Variants in SNTG1 observed in about 807,000 individuals in gnomAD.
SNTG1 encodes syntrophin gamma 1, also known as gamma-1-syntrophin.
In SNTG1, 39 loss-of-function variants were observed where a neutral mutation model predicts 74.7. That is an observed-to-expected ratio of 0.52 (90% confidence interval 0.40 to 0.68). SNTG1 has a LOEUF of 0.68. Among genes scored for constraint, SNTG1 ranks in the 30% least tolerant of loss-of-function variants. The pLI is 0.00. For synonymous variants in SNTG1, 254 were observed against 217.1 expected (o/e 1.17, Z -1.49); for missense variants, 685 against 609.5 (o/e 1.12, Z -1.30).
chr8:50,382,358 G>C (rs554048967), intron 2 of SNTG1: 1 of 152,066 alleles, frequency 6.6e-6, no homozygotes, highest in African/African-American at 2.4e-5. Flanking sequence ...TTATTAAATG[G>C]CTGGCACTTG....
chr8:50,195,789 G>A (rs1170822414), intron 2 of SNTG1, among the ~76,000 whole-genome samples: 1 of 152,132 alleles, frequency 6.6e-6, no homozygotes, highest in Non-Finnish European at 1.5e-5. Context: ...GGTGTCTTCT[G>A]GGTCCTACAG....
chr8:50,793,162 A>C lies in SNTG1; in HGVS notation c.*333A>C, dbSNP rs934996736. Reference sequence around the variant, plus strand: ...AATAGTAAGCTACCTATGAATAAAAATACTTATTAAATGATTACTTCTGTA... The same window carrying C: ...AATAGTAAGCTACCTATGAATAAAACTACTTATTAAATGATTACTTCTGTA... On this transcript the variant is annotated 3_prime_UTR_variant, in exon 19 of 19. Coordinates refer to ENST00000642720, the MANE Select transcript of SNTG1 (RefSeq NM_018967.5). 5.7e-6 allele frequency: 1 copy of C among 176,656 alleles called. No individual in the cohort carries two copies. Among genetic ancestry groups the C allele is most frequent in the African/African-American group, 2.4e-5 (1 of 42,474 alleles). 10.9% of individuals were successfully genotyped at this position (176,656 alleles called of 1,614,324 possible). A position where few individuals can be genotyped will look rare whatever the true frequency, so the allele number is the denominator to read the frequency against.
intron 2 of SNTG1, among the ~76,000 whole-genome samples, chr8:50,185,773 T>G (rs1381768255): frequency 6.6e-6 from 1 of 152,126 alleles, no homozygotes; most frequent in Admixed American, 6.5e-5. Context: ...TATGAATTCA[T>G]TTTTTTCTAT....
intron 11 of SNTG1, among the ~76,000 whole-genome samples, chr8:50,548,642 T>C (rs951934928): frequency 6.6e-6 from 1 of 152,066 alleles, no homozygotes; most frequent in East Asian, 1.9e-4. Context: ...GATCGAACAG[T>C]ATTTAGCGCT....
intron 3 of SNTG1, among the ~76,000 whole-genome samples, chr8:50,400,621 T>C (rs1307817785): frequency 6.6e-6 from 1 of 152,238 alleles, no homozygotes; most frequent in Non-Finnish European, 1.5e-5. Flanking sequence ...CCACTAACAG[T>C]GTGTAAGGGT....
At chr8:49,948,143 G>GA (rs1274072965) in intron 1 of SNTG1, among the ~76,000 whole-genome samples, 2 of 151,548 alleles carry the variant, frequency 1.3e-5, no homozygotes, top group Non-Finnish European at 1.5e-5. Flanking sequence ...ACAAACAAAT[G>GA]AAAAAAATAA....
chr8:50,416,708 CATT>C (rs2093018127), intron 4 of SNTG1, among the ~76,000 whole-genome samples: 1 of 152,024 alleles, frequency 6.6e-6, no homozygotes, highest in South Asian at 2.1e-4. Context: ...CATATCACAT[CATT>C]ATTTTGCTAA....
chr8:50,317,293 A>G (rs2090351880), intron 2 of SNTG1, among the ~76,000 whole-genome samples: 1 of 152,186 alleles, frequency 6.6e-6, no homozygotes, highest in African/African-American at 2.4e-5. Flanking sequence ...GTTTGTCCAG[A>G]ACAATACTGA....
rs1378576808 is a variant in SNTG1 at position 50,122,614 on chromosome 8, G to C, written c.-102-49947G>C. The stretch of plus-strand genomic sequence containing the variant: ...CAATGTCAATAACTAATTAAAGGAG[G>C]TGAGGCGGTAGCTCAGGAGCAGTGG... On this transcript the variant is annotated intron_variant, in intron 1 of 18. Coordinates refer to ENST00000642720, the MANE Select transcript of SNTG1 (RefSeq NM_018967.5). Among the ~76,000 whole-genome samples, 4 of 142,034 alleles carry C rather than the reference G, an allele frequency of 2.8e-5. 1 individual carries two copies. Among genetic ancestry groups the C allele is most frequent in the African/African-American group, 1.0e-4 (4 of 39,248 alleles). The allele number at this position is 142,034 out of a possible 152,430, so 93.2% of individuals were successfully genotyped here. A position where few individuals can be genotyped will look rare whatever the true frequency, so the allele number is the denominator to read the frequency against.
chr8:50,434,354 G>A (rs1277856564), intron 4 of SNTG1, among the ~76,000 whole-genome samples: 1 of 152,154 alleles, frequency 6.6e-6, no homozygotes, highest in Non-Finnish European at 1.5e-5. Flanking sequence ...AAATATACGT[G>A]TGCATGTGTC....
intron 2 of SNTG1, among the ~76,000 whole-genome samples, chr8:50,260,593 A>T (rs930700113): frequency 7.9e-5 from 12 of 152,182 alleles, no homozygotes; most frequent in Admixed American, 7.9e-4. Context: ...AAGAAAAAAT[A>T]AGCATAAGAA....
At chr8:50,658,852 C>CA (rs2095200526) in intron 15 of SNTG1, among the ~76,000 whole-genome samples, 189 bp downstream of exon 15, 1 of 152,180 alleles carries the variant, frequency 6.6e-6, no homozygotes, top group African/African-American at 2.4e-5. Context: ...AGTGCACTGG[C>CA]ACTCAGCTAT....
intron 2 of SNTG1, among the ~76,000 whole-genome samples, chr8:50,330,609 T>A (rs548603895): frequency 3.2e-4 from 49 of 152,170 alleles, no homozygotes; most frequent in Non-Finnish European, 6.8e-4. Context: ...ACCAATTTAC[T>A]ATATTAATCT....
intron 2 of SNTG1, among the ~76,000 whole-genome samples, chr8:50,265,848 A>C (rs1161939542): frequency 6.6e-6 from 1 of 152,034 alleles, no homozygotes. Flanking sequence ...CAATGATATC[A>C]AAAAAATGAA....
rs373656066 is a variant in SNTG1, at chr8:50,475,877, T to C, written c.363+25148T>C. ...AGGCAAATAAACTGCATAAATACTA[T>C]ACAGCAGTCCCCTCCTTACCCATGG... is the stretch of plus-strand genomic sequence containing the variant. On this transcript the variant is annotated intron_variant, in intron 8 of 18. Coordinates refer to ENST00000642720, the MANE Select transcript of SNTG1 (RefSeq NM_018967.5). Among the ~76,000 whole-genome samples the C allele has an allele frequency of 5.3e-5, 8 of 152,268 alleles. No homozygotes were observed. In the East Asian group the frequency reaches 1.5e-3, roughly 29 times the overall value.
intron 17 of SNTG1, among the ~76,000 whole-genome samples, chr8:50,750,812 A>G (rs2095565615): frequency 6.6e-6 from 1 of 152,150 alleles, no homozygotes; most frequent in Admixed American, 6.5e-5. Context: ...GCATTGGGGA[A>G]CCAAACAATT....
intron 13 of SNTG1, among the ~76,000 whole-genome samples, chr8:50,597,014 T>G (rs922252746): frequency 6.6e-6 from 1 of 151,910 alleles, no homozygotes; most frequent in African/African-American, 2.4e-5. Context: ...GAACTTACTC[T>G]TCCTGTGTAA....
chr8:50,402,840 T>C (rs184938056), intron 4 of SNTG1, among the ~76,000 whole-genome samples: 1 of 152,142 alleles, frequency 6.6e-6, no homozygotes, highest in African/African-American at 2.4e-5. Flanking sequence ...CCTAATAGAA[T>C]TATGCCCAAG....
chr8:50,441,929 C>A (rs2093361154), intron 5 of SNTG1, among the ~76,000 whole-genome samples: 1 of 151,952 alleles, frequency 6.6e-6, no homozygotes, highest in African/African-American at 2.4e-5. Context: ...AATGTTTTAC[C>A]ATTAAAAGGT....
Sources: allele counts gnomAD v4.1 joint callset (sites outside exome capture counted in the v4.1 genomes callset), GRCh38; gene constraint gnomAD v4.1.1; transcripts MANE v1.5; gene names NCBI Gene and HGNC (gene_info 2026-07-23, HGNC 2026-07-21).